HCLS1: variants seen among roughly 807,000 people sequenced by gnomAD.
The protein encoded by HCLS1 is hematopoietic cell-specific Lyn substrate 1.
In HCLS1, 44 loss-of-function variants were observed where a neutral mutation model predicts 68.6. That is an observed-to-expected ratio of 0.64 (90% confidence interval 0.50 to 0.82). The LOEUF is 0.82. Among genes scored for constraint, HCLS1 ranks in the 40% least tolerant of loss-of-function variants. The pLI is 0.00. For synonymous variants in HCLS1, 217 were observed against 225.8 expected (o/e 0.96, Z 0.35); for missense variants, 602 against 612.1 (o/e 0.98, Z 0.17).
intron 3 of HCLS1, chr3:121,653,775 C>T (rs912363211): frequency 5.9e-5 from 9 of 152,178 alleles, no homozygotes; most frequent in South Asian, 2.1e-4. Context: ...CTGAGGCAGA[C>T]ATCCTATGGT....
Position 121,657,300 on chromosome 3 carries a change from G to C in HCLS1, c.137C>G (p.Ser46Cys). 6.2e-7 allele frequency: 1 copy of C among 1,613,908 alleles called. No homozygotes were observed. The highest frequency in any genetic ancestry group is 8.5e-7 in the Non-Finnish European group (1 of 1,179,934). The change falls in exon 3 of 14, where the codon TCT (serine) becomes TGT (cysteine). Residue 46 changes from serine (S) to cysteine (C), a missense_variant. Transcript: ENST00000314583. The part of the protein sequence containing the change: ...QRWGAKTIEG[S>C]GRTEHINIHQ... Reference sequence around the variant, plus strand: ...CTACTTGATGTGTTCTGTGCGTCCAGACCCCTCGATGGTCTTGGCTCCCCA... The same window carrying C: ...CTACTTGATGTGTTCTGTGCGTCCACACCCCTCGATGGTCTTGGCTCCCCA...
chr3:121,644,868 C>T lies in HCLS1; in HGVS notation c.349G>A (p.Ala117Thr), dbSNP rs779862509. Residue 117 changes from alanine (A) to threonine (T), a missense_variant, in exon 5 of 14, where the codon GCC becomes ACC. Ala to Thr is a moderately conservative substitution (Grantham distance 58, BLOSUM62 0). Transcript: ENST00000314583. ...VEKHSSQTDA[A>T]KGFGGKYGVE... The stretch of plus-strand genomic sequence containing the variant: ...CCGTACTTGCCCCCAAAGCCTTTGG[C>T]AGCATCCGTCTGAGAAGAGTGCTTC... The T allele has an allele frequency of 3.1e-6, 5 of 1,614,008 alleles. No individual in the cohort carries two copies. The highest frequency in any genetic ancestry group is 3.4e-6 in the Non-Finnish European group (4 of 1,180,014).
intron 1 of HCLS1, among the ~76,000 whole-genome samples, chr3:121,658,561 T>C (rs1187320625): frequency 6.6e-6 from 1 of 152,172 alleles, no homozygotes; most frequent in Admixed American, 6.5e-5. Context: ...TCAAGACGAA[T>C]TGATGTGGGC....
intron 5 of HCLS1, 63 bp from the exon 6 acceptor site, chr3:121,643,044 C>T: frequency 7.7e-7 from 1 of 1,305,846 alleles, no homozygotes; most frequent in Admixed American, 1.7e-5. Context: ...TCTTCCTAAC[C>T]TCCCCTTACT....
chr3:121,642,667 T>C (rs1323601643), intron 6 of HCLS1, among the ~76,000 whole-genome samples: 1 of 151,978 alleles, frequency 6.6e-6, no homozygotes, highest in African/African-American at 2.4e-5. Context: ...TCACAGCTAC[T>C]CAGAACGCTG....
chr3:121,656,826 C>T (rs1162045770), intron 3 of HCLS1: 2 of 153,226 alleles, frequency 1.3e-5, no homozygotes, highest in Non-Finnish European at 1.5e-5. Flanking sequence ...TGACATTTTA[C>T]TGAATTGTTC....
intron 8 of HCLS1, 30 bp from the exon 9 acceptor site, chr3:121,635,834 C>A (rs564704418): frequency 2.5e-6 from 4 of 1,599,302 alleles, no homozygotes; most frequent in Non-Finnish European, 3.4e-6. Context: ...ATGTGTGTTG[C>A]GGGAGAGGGG....
intron 6 of HCLS1, among the ~76,000 whole-genome samples, chr3:121,640,439 T>G (rs531828983): frequency 6.6e-6 from 1 of 151,782 alleles, no homozygotes; most frequent in Non-Finnish European, 1.5e-5. Flanking sequence ...TAAATAACCA[T>G]GAGGAACGCA....
At chr3:121,642,400 C>G (rs1277476341) in intron 6 of HCLS1, among the ~76,000 whole-genome samples, 2 of 151,958 alleles carry the variant, frequency 1.3e-5, no homozygotes, top group Admixed American at 1.3e-4. Flanking sequence ...ACCCAGGACA[C>G]AGAGCTTGCG....
chr3:121,645,079 G>T, intron 4 of HCLS1, 151 bp from the exon 5 acceptor site: 1 of 633,092 alleles, frequency 1.6e-6, no homozygotes, highest in Non-Finnish European at 2.8e-6. Flanking sequence ...TACGCGATGG[G>T]AGAGCAAGAT....
intron 11 of HCLS1, among the ~76,000 whole-genome samples, 154 bp downstream of exon 11, chr3:121,632,913 C>T (rs1211497516): frequency 1.3e-5 from 2 of 152,120 alleles, no homozygotes; most frequent in African/African-American, 2.4e-5. Context: ...ACTAGTTTGC[C>T]CAGGACAGAG....
chr3:121,649,210 G>A (rs1341999421), intron 3 of HCLS1, among the ~76,000 whole-genome samples: 1 of 152,108 alleles, frequency 6.6e-6, no homozygotes, highest in Non-Finnish European at 1.5e-5. Context: ...TTAGGTTATA[G>A]TGGAAGTCAT....
At chr3:121,638,466 G>A (rs961921913) in intron 6 of HCLS1, among the ~76,000 whole-genome samples, 7 of 152,128 alleles carry the variant, frequency 4.6e-5, no homozygotes, top group Non-Finnish European at 1.0e-4. Context: ...CAGAAACGAA[G>A]CTCTGTCCAC....
chr3:121,637,183 G>A lies in HCLS1; in HGVS notation c.528C>T (p.Asp176=), dbSNP rs1321458429. ...DKWDKAALGY[D]YKGETEKHES... ...CGTGTTTCTCCGTCTCTCCCTTGTA[G>A]TCATATCCCAGAGCTGCTTTGTCCC... is the stretch of plus-strand genomic sequence containing the variant. The change falls in exon 7 of 14, where the codon GAC becomes GAT. Residue 176 remains aspartate, a synonymous_variant. Transcript: ENST00000314583. 1 of 1,613,932 alleles carries A rather than the reference G, an allele frequency of 6.2e-7. No individual in the cohort carries two copies. Among genetic ancestry groups the A allele is most frequent in the South Asian group, 1.1e-5 (1 of 91,070 alleles).
rs140555971 is a variant in HCLS1 at position 121,642,994 on chromosome 3, G to A, written c.400-13C>T. On this transcript the variant is annotated splice_polypyrimidine_tract_variant and intron_variant, in intron 5 of 13. Transcript: ENST00000314583. ...AGCCGACTGCTGACTACAGAGAAGA[G>A]GAGACAGAATTGGTTAGAGTCAGAG... is the stretch of plus-strand genomic sequence containing the variant. The A allele has an allele frequency of 3.9e-5, 63 of 1,610,662 alleles. No individual in the cohort carries two copies. The highest frequency in any genetic ancestry group is 6.7e-5 in the Admixed American group (4 of 59,992).
intron 3 of HCLS1, 92 bp downstream of exon 3, chr3:121,657,187 C>G (rs1414894347): frequency 9.6e-7 from 1 of 1,043,670 alleles, no homozygotes; most frequent in Non-Finnish European, 1.5e-6. Context: ...CTACCCTATC[C>G]TTTTCCTCCC....
intron 1 of HCLS1, among the ~76,000 whole-genome samples, chr3:121,659,636 G>A (rs1236867448): frequency 6.6e-6 from 1 of 152,194 alleles, no homozygotes; most frequent in African/African-American, 2.4e-5. Context: ...TATTGACTGA[G>A]TCAGCCGGGA....
chr3:121,634,934 C>T (rs2049134433), intron 9 of HCLS1, among the ~76,000 whole-genome samples: 1 of 151,946 alleles, frequency 6.6e-6, no homozygotes, highest in Non-Finnish European at 1.5e-5. Flanking sequence ...GCCCAGCTGA[C>T]TTGTGTCCTT....
At chr3:121,638,895 T>C (rs1047459037) in intron 6 of HCLS1, among the ~76,000 whole-genome samples, 2 of 151,622 alleles carry the variant, frequency 1.3e-5, no homozygotes, top group Admixed American at 1.3e-4. Context: ...AAAAGAAAAA[T>C]GTAAAAAACC....
Sources: gnomAD v4.1 joint callset for allele counts (sites outside exome capture counted in the v4.1 genomes callset) on GRCh38, gnomAD v4.1.1 for gene constraint, MANE v1.5 for transcripts, NCBI Gene and HGNC (gene_info 2026-07-23, HGNC 2026-07-21) for gene names.